The following ZPBP variants were observed in gnomAD, a reference collection of about 807,000 sequenced individuals.
ZPBP encodes zona pellucida binding protein.
ZPBP carries 26 observed loss-of-function variants against 44.8 expected under a neutral mutation model. The ratio of observed to expected loss-of-function variants is 0.58; its 90% CI spans 0.43 to 0.81. ZPBP has a LOEUF of 0.81. Ranked by LOEUF, ZPBP falls within the 30% of genes least tolerant of loss-of-function variation. ZPBP has a pLI of 0.00. For missense variants in ZPBP, 409 were observed against 434.0 expected (o/e 0.94, Z 0.51); for synonymous variants, 174 against 153.2 (o/e 1.14, Z -1.00).
At chr7:49,949,271 G>T (rs1253090612) in intron 7 of ZPBP, among the ~76,000 whole-genome samples, 1 of 152,034 alleles carries the variant, frequency 6.6e-6, no homozygotes, top group Non-Finnish European at 1.5e-5. Context: ...ATTTTATTAT[G>T]GCAGCCTAAT....
chr7:49,924,896 C>T (rs1481811653), intron 1 of ZPBP, among the ~76,000 whole-genome samples: 2 of 152,170 alleles, frequency 1.3e-5, no homozygotes, highest in Admixed American at 6.5e-5. Flanking sequence ...AATCCCAGAC[C>T]CACCAACAGG....
intron 6 of ZPBP, among the ~76,000 whole-genome samples, chr7:49,987,131 C>T (rs1583987511): frequency 1.3e-5 from 2 of 152,164 alleles, no homozygotes; most frequent in South Asian, 4.1e-4. Context: ...GAATTTTCCT[C>T]TCTGAGCACC....
At chr7:50,047,796 T>C (rs892501805) in intron 4 of ZPBP, among the ~76,000 whole-genome samples, 3 of 152,074 alleles carry the variant, frequency 2.0e-5, no homozygotes, top group Non-Finnish European at 4.4e-5. Flanking sequence ...CCCCCACAGC[T>C]TTCCTGAATG....
At chr7:49,877,459 T>C (rs1250998525) in intron 2 of ZPBP, among the ~76,000 whole-genome samples, 1 of 21,058 alleles carries the variant, frequency 4.7e-5, no homozygotes. Context: ...AGAAACTCTG[T>C]CTCAAAAAAA....
chr7:49,869,318 G>A (rs12718225), intron 2 of ZPBP, among the ~76,000 whole-genome samples: 106,892 of 152,016 alleles, frequency 0.7, 38,050 homozygotes, highest in East Asian at 0.88. Context: ...GAATCTGGGG[G>A]AGAATATTAG....
chr7:50,088,609 T>C lies in ZPBP; in HGVS notation c.208+1020A>G, dbSNP rs558329060. Among the ~76,000 whole-genome samples the C allele has an allele frequency of 6.6e-5, 10 of 152,044 alleles. No homozygotes were observed. In the South Asian group the frequency reaches 2.1e-3, roughly 32 times the overall value. On this transcript the variant is annotated intron_variant, in intron 2 of 7. Transcript: ENST00000046087. ...TTTAAAAACGGGCAAAGGACTTGAATAGGCATTTCTACAAATGACATATCC... is the reference window on the plus strand; with the variant it reads ...TTTAAAAACGGGCAAAGGACTTGAACAGGCATTTCTACAAATGACATATCC...
chr7:49,859,382 A>G (rs1790557132), intron 2 of ZPBP, among the ~76,000 whole-genome samples: 1 of 152,190 alleles, frequency 6.6e-6, no homozygotes, highest in Admixed American at 6.5e-5. Flanking sequence ...TCTCATATAT[A>G]TCCTCCTTAA....
intron 4 of ZPBP, among the ~76,000 whole-genome samples, chr7:50,035,519 T>C (rs2128814126): frequency 6.6e-6 from 1 of 152,282 alleles, no homozygotes; most frequent in Admixed American, 6.5e-5. Flanking sequence ...CTCCCAGAGT[T>C]TCACAGACCA....
chr7:50,027,414 G>A (rs574413208), intron 5 of ZPBP, among the ~76,000 whole-genome samples: 67 of 152,148 alleles, frequency 4.4e-4, no homozygotes, highest in Non-Finnish European at 4.0e-4. Context: ...GAAAATACTT[G>A]TAGATGAATG....
In ZPBP at chr7:50,078,960, C is replaced by T. The variant is rs11760292; in HGVS notation, c.334+2814G>A. On this transcript the variant is annotated intron_variant, in intron 3 of 7. Transcript: ENST00000046087. ...TGGACAACAAGCATACGAAAAGATA[C>T]TCAACATAACTAGTAAGAGAGAACA... 2.6e-3 allele frequency among the ~76,000 whole-genome samples: 389 copies of T among 151,344 alleles called. 1 individual carries two copies. Among genetic ancestry groups the T allele is most frequent in the Non-Finnish European group, 4.0e-3 (268 of 67,504 alleles).
chr7:49,872,842 G>A (rs1409110492), intron 2 of ZPBP, among the ~76,000 whole-genome samples: 1 of 140,744 alleles, frequency 7.1e-6, no homozygotes, highest in African/African-American at 2.6e-5. Flanking sequence ...CTTGAAACCA[G>A]GAGGCAGAGG....
intron 4 of ZPBP, among the ~76,000 whole-genome samples, chr7:50,050,788 C>CAAAAA (rs751875216): frequency 3.7e-5 from 1 of 26,840 alleles, no homozygotes; most frequent in Non-Finnish European, 6.8e-5. Context: ...GACTCCGTCT[C>CAAAAA]AAAAAAAAAA....
chr7:49,932,162 G>A (rs995544254), intron 1 of ZPBP, among the ~76,000 whole-genome samples: 1 of 152,202 alleles, frequency 6.6e-6, no homozygotes, highest in Non-Finnish European at 1.5e-5. Flanking sequence ...TGAGGTGGGA[G>A]CCCCCACATG....
At chr7:49,968,056 T>C (rs1796134337) in intron 7 of ZPBP, among the ~76,000 whole-genome samples, 1 of 152,070 alleles carries the variant, frequency 6.6e-6, no homozygotes, top group African/African-American at 2.4e-5. Context: ...TAGAGTATTT[T>C]TTCTAATGAC....
intron 6 of ZPBP, among the ~76,000 whole-genome samples, chr7:49,985,833 C>T (rs1048296019): frequency 5.9e-5 from 9 of 152,144 alleles, no homozygotes; most frequent in African/African-American, 1.7e-4. Flanking sequence ...GACTGGGGGC[C>T]TGCCTGCACA....
chr7:49,852,640 G>A (rs905450410), intron 2 of ZPBP, among the ~76,000 whole-genome samples: 1 of 152,142 alleles, frequency 6.6e-6, no homozygotes, highest in Non-Finnish European at 1.5e-5. Flanking sequence ...GCAAGGTGAT[G>A]TCTCACCTCC....
At chr7:49,934,560 T>C (rs1483620638), downstream of ZPBP, among the ~76,000 whole-genome samples, 1 of 152,176 alleles carries the variant, frequency 6.6e-6, no homozygotes, top group Non-Finnish European at 1.5e-5. Flanking sequence ...CACATGTGTA[T>C]ATAATCTTAA....
intron 5 of ZPBP, among the ~76,000 whole-genome samples, chr7:50,028,482 GCA>G (rs1432747279): frequency 6.6e-6 from 1 of 151,918 alleles, no homozygotes; most frequent in African/African-American, 2.4e-5. Context: ...CCAAGCAAGA[GCA>G]ATTTTGCAAG....
chr7:49,929,531 C>A (rs529542349), intron 1 of ZPBP, among the ~76,000 whole-genome samples: 1 of 152,310 alleles, frequency 6.6e-6, no homozygotes. Context: ...GACCAACCAA[C>A]AAACTAAAAC....
Sources: allele counts gnomAD v4.1 joint callset (sites outside exome capture counted in the v4.1 genomes callset), GRCh38; gene constraint gnomAD v4.1.1; transcripts MANE v1.5; gene names NCBI Gene and HGNC (gene_info 2026-07-23, HGNC 2026-07-21).